Variants in MYRFL observed in about 807,000 individuals in gnomAD.
The protein encoded by MYRFL is myelin regulatory factor like.
In MYRFL, 88 loss-of-function variants were observed where a neutral mutation model predicts 109.4. The observed-to-expected ratio is 0.80, with a 90% CI of 0.68 to 0.96. MYRFL has a LOEUF of 0.96. Ranked by LOEUF, MYRFL falls within the 40% of genes least tolerant of loss-of-function variation. The pLI, the probability that MYRFL is intolerant of heterozygous loss-of-function variation, is 0.00. For missense variants in MYRFL, 957 were observed against 954.9 expected (o/e 1.00, Z -0.03); for synonymous variants, 324 against 320.9 (o/e 1.01, Z -0.10).
chr12:69,910,633 CAAAA>C (rs5798959), intron 12 of MYRFL, among the ~76,000 whole-genome samples, 184 bp from the exon 13 acceptor site: 1,336 of 125,430 alleles, frequency 0.011, 20 homozygotes, highest in African/African-American at 0.035. Context: ...CCCAGAGTCT[CAAAA>C]AAAAAAAAAA....
At chr12:69,920,879 C>T (rs899315379) in intron 13 of MYRFL, among the ~76,000 whole-genome samples, 1 of 152,220 alleles carries the variant, frequency 6.6e-6, no homozygotes, top group Non-Finnish European at 1.5e-5. Context: ...ATTTAGAAAA[C>T]ATGCTCATTC....
intron 10 of MYRFL, among the ~76,000 whole-genome samples, chr12:69,902,141 ACCT>A (rs1954215752): frequency 1.3e-5 from 2 of 151,796 alleles, no homozygotes; most frequent in Non-Finnish European, 2.9e-5. Flanking sequence ...TGATCCACAC[ACCT>A]CAGCCTCCCA....
In MYRFL at chr12:69,879,407, G is replaced by C. The variant is rs1384095088; in HGVS notation, c.418G>C (p.Gly140Arg). ...PLDQSVSSHL[G>R]IGCSYPQQPL... Reference sequence around the variant, plus strand: ...GGACCAATCCGTGTCCTCCCATCTGGGGATAGGTTGTTCTTACCCTCAGCA... The same window carrying C: ...GGACCAATCCGTGTCCTCCCATCTGCGGATAGGTTGTTCTTACCCTCAGCA... Residue 140 changes from glycine (G) to arginine (R), a missense_variant, in exon 4 of 25, where the codon GGG (glycine) becomes CGG (arginine). By Grantham distance (125) the Gly-to-Arg change is moderately radical. Coordinates refer to ENST00000552032, the MANE Select transcript of MYRFL (RefSeq NM_182530.3). The C allele has an allele frequency of 1.4e-6, 1 of 702,864 alleles. No homozygotes were observed. Among genetic ancestry groups the C allele is most frequent in the Non-Finnish European group, 2.6e-6 (1 of 384,826 alleles). 43.5% of individuals were successfully genotyped at this position (702,864 alleles called of 1,614,324 possible).
chr12:69,889,588 C>T (rs1315569294), intron 6 of MYRFL, among the ~76,000 whole-genome samples: 1 of 152,160 alleles, frequency 6.6e-6, no homozygotes, highest in Admixed American at 6.5e-5. Flanking sequence ...GGCGCAGTGG[C>T]TCACGCCTGT....
intron 1 of MYRFL, among the ~76,000 whole-genome samples, chr12:69,851,120 C>G (rs367894441): frequency 1.8e-3 from 272 of 152,226 alleles, no homozygotes; most frequent in African/African-American, 5.7e-3. Context: ...AGGAGGCAAA[C>G]TAAAACTGAG....
intron 15 of MYRFL, among the ~76,000 whole-genome samples, chr12:69,930,440 T>C (rs1161894972): frequency 2.0e-5 from 3 of 152,052 alleles, no homozygotes; most frequent in Non-Finnish European, 4.4e-5. Context: ...ATTCTTGCTA[T>C]ACGTAGGACT....
intron 21 of MYRFL, among the ~76,000 whole-genome samples, chr12:69,954,747 A>C (rs192831156): frequency 6.6e-6 from 1 of 152,174 alleles, no homozygotes; most frequent in Non-Finnish European, 1.5e-5. Context: ...TTTTTGCTGG[A>C]GTTTTTCGTT....
At chr12:69,860,891 T>TC (rs1418454940) in intron 2 of MYRFL, among the ~76,000 whole-genome samples, 2 of 54,852 alleles carry the variant, frequency 3.6e-5, no homozygotes, top group African/African-American at 7.7e-5. Context: ...CCCTCCCCCC[T>TC]CCCCCCTCCC....
At chr12:69,942,413 A>G (rs1360926457) in intron 19 of MYRFL, among the ~76,000 whole-genome samples, 1 of 148,362 alleles carries the variant, frequency 6.7e-6, no homozygotes, top group Non-Finnish European at 1.5e-5. Flanking sequence ...TCCAGCATAT[A>G]AACAGAGCCA....
intron 10 of MYRFL, among the ~76,000 whole-genome samples, chr12:69,899,957 G>A (rs999881258): frequency 5.9e-5 from 9 of 152,162 alleles, no homozygotes; most frequent in African/African-American, 2.2e-4. Flanking sequence ...CCTTGTTAAT[G>A]ACTGGGCTGT....
intron 11 of MYRFL, 100 bp downstream of exon 11, chr12:69,903,944 A>G (rs1954276677): frequency 9.2e-7 from 1 of 1,084,234 alleles, no homozygotes. Context: ...ACATCTTTAC[A>G]TGTCACCCAC....
At position 69,865,528 on chromosome 12, in the gene MYRFL, T is replaced by G. The variant is rs571640843; in HGVS notation, c.137+10158T>G. ...CTTGGGGAAGAAGAATTATGGTTTCTGTGATTTGCTCTGAGGGAGAAAAGG... is the reference window on the plus strand; with the variant it reads ...CTTGGGGAAGAAGAATTATGGTTTCGGTGATTTGCTCTGAGGGAGAAAAGG... On this transcript the variant is annotated intron_variant, in intron 2 of 24. Transcript: ENST00000552032. 1.1e-4 allele frequency among the ~76,000 whole-genome samples: 17 copies of G among 152,216 alleles called. No homozygotes were observed. The East Asian group carries it at 3.3e-3, about 29-fold the overall frequency.
At chr12:69,858,947 T>G (rs1205838018) in intron 2 of MYRFL, among the ~76,000 whole-genome samples, 3 of 152,004 alleles carry the variant, frequency 2.0e-5, no homozygotes, top group Admixed American at 6.6e-5. Context: ...GATTTGAGGT[T>G]AAACTTTGTT....
intron 19 of MYRFL, among the ~76,000 whole-genome samples, chr12:69,950,283 T>C (rs190166713): frequency 5.4e-4 from 83 of 152,294 alleles, no homozygotes; most frequent in Admixed American, 1.2e-3. Context: ...CAGGATATGT[T>C]AAGCAGCAGA....
intron 19 of MYRFL, among the ~76,000 whole-genome samples, chr12:69,948,783 TG>T (rs1955900744): frequency 1.3e-5 from 2 of 152,228 alleles, no homozygotes; most frequent in Non-Finnish European, 2.9e-5. Context: ...AGCACCATGT[TG>T]GGTTCAGAAA....
intron 1 of MYRFL, 49 bp from the exon 2 acceptor site, chr12:69,855,231 C>A: frequency 1.4e-6 from 1 of 689,730 alleles, no homozygotes. Context: ...TAGCCATTGG[C>A]CATACTGAAA....
chr12:69,870,714 T>C (rs11177918), intron 2 of MYRFL, among the ~76,000 whole-genome samples: 5 of 152,196 alleles, frequency 3.3e-5, no homozygotes, highest in African/African-American at 4.8e-5. Flanking sequence ...GCATTGAGCA[T>C]GGAAGCATAT....
intron 1 of MYRFL, among the ~76,000 whole-genome samples, chr12:69,826,207 T>C (rs1015876033): frequency 3.9e-5 from 6 of 151,924 alleles, no homozygotes; most frequent in African/African-American, 1.5e-4. Context: ...CACCATGGGG[T>C]AGTTTCTGTG....
chr12:69,938,858 G>A (rs539214635), intron 19 of MYRFL, among the ~76,000 whole-genome samples: 3 of 152,270 alleles, frequency 2.0e-5, no homozygotes, highest in African/African-American at 4.8e-5. Context: ...AGCCGAAGCA[G>A]GGCGAGGCAT....
Sources: gnomAD v4.1 joint callset for allele counts (sites outside exome capture counted in the v4.1 genomes callset) on GRCh38, gnomAD v4.1.1 for gene constraint, MANE v1.5 for transcripts, NCBI Gene and HGNC (gene_info 2026-07-23, HGNC 2026-07-21) for gene names.